The following PLPPR1 variants were observed in gnomAD, a reference collection of about 807,000 sequenced individuals.
PLPPR1 encodes the protein phospholipid phosphatase-related protein type 1.
In PLPPR1, 10 loss-of-function variants were observed where a neutral mutation model predicts 33.1. That is an observed-to-expected ratio of 0.30 (90% CI 0.19 to 0.51). The LOEUF (loss-of-function observed/expected upper bound fraction) is 0.51. Among genes scored for constraint, PLPPR1 ranks in the 20% least tolerant of loss-of-function variants. PLPPR1 has a pLI of 0.97. For synonymous variants in PLPPR1, 151 were observed against 151.0 expected, an observed-to-expected ratio of 1.00 and a Z score of 0.00; for missense variants, 304 against 408.1, an observed-to-expected ratio of 0.74 and a Z score of 2.20.
chr9:101,271,907 AAAGGG>A (rs1373769052), intron 3 of PLPPR1, among the ~76,000 whole-genome samples: 1 of 152,206 alleles, frequency 6.6e-6, no homozygotes, highest in African/African-American at 2.4e-5. Context: ...AAAATATAAA[AAAGGG>A]AAGGAAATGG....
At chr9:101,294,589 A>T (rs991207933) in intron 4 of PLPPR1, among the ~76,000 whole-genome samples, 1 of 152,018 alleles carries the variant, frequency 6.6e-6, no homozygotes, top group African/African-American at 2.4e-5. Context: ...CAGCACATCA[A>T]AAAGCTTATC....
At chr9:101,213,267 G>T (rs1826721269) in intron 2 of PLPPR1, among the ~76,000 whole-genome samples, 1 of 151,980 alleles carries the variant, frequency 6.6e-6, no homozygotes, top group Non-Finnish European at 1.5e-5. Context: ...TTAAACATTT[G>T]ATCCATGTTA....
intron 3 of PLPPR1, among the ~76,000 whole-genome samples, chr9:101,272,438 C>T (rs1330464997): frequency 1.3e-5 from 2 of 152,130 alleles, no homozygotes; most frequent in African/African-American, 4.8e-5. Context: ...CCCACAAAAG[C>T]ACTCTGAATA....
intron 2 of PLPPR1, among the ~76,000 whole-genome samples, chr9:101,211,530 T>C (rs1265248390): frequency 2.0e-5 from 3 of 152,190 alleles, no homozygotes; most frequent in Non-Finnish European, 2.9e-5. Context: ...TTCCTGGTGG[T>C]CTTTGGCCAG....
chr9:101,095,548 T>A (rs1830806395), intron 1 of PLPPR1, among the ~76,000 whole-genome samples: 1 of 152,202 alleles, frequency 6.6e-6, no homozygotes, highest in East Asian at 1.9e-4. Flanking sequence ...AATCCTTTTT[T>A]AAAAGCTAAA....
chr9:101,054,379 C>G (rs1361239117), intron 1 of PLPPR1, among the ~76,000 whole-genome samples: 1 of 150,192 alleles, frequency 6.7e-6, no homozygotes. Context: ...ATTTTTCAAG[C>G]CCCTCTCATG....
At position 101,270,102 on chromosome 9, in the gene PLPPR1, C is replaced by CA. The variant is rs754285109; in HGVS notation, c.252+35dup. On this transcript the variant is annotated intron_variant, in intron 3 of 7. Transcript: ENST00000374874. ...AGAAATAGACTTTCCTCTTTATTGTCAGATACCCAAGAATATTTTCTGTCT... is the reference window on the plus strand; with the variant it reads ...AGAAATAGACTTTCCTCTTTATTGTCAAGATACCCAAGAATATTTTCTGTCT... The CA allele has an allele frequency of 1.1e-5, 17 of 1,598,820 alleles. No individual in the cohort carries two copies. In the Admixed American group the frequency reaches 2.8e-4, roughly 27 times the overall value.
intron 2 of PLPPR1, among the ~76,000 whole-genome samples, chr9:101,240,197 GT>G (rs1433329077): frequency 6.6e-6 from 1 of 151,852 alleles, no homozygotes; most frequent in Non-Finnish European, 1.5e-5. Context: ...TGAAAAATCA[GT>G]TTACTCCGAA....
At chr9:101,254,931 C>G (rs1053924201) in intron 2 of PLPPR1, among the ~76,000 whole-genome samples, 19 of 152,074 alleles carry the variant, frequency 1.2e-4, no homozygotes. Flanking sequence ...TGCACACTCC[C>G]CTTCTCCAGG....
chr9:101,258,465 A>G (rs77318683), intron 2 of PLPPR1, among the ~76,000 whole-genome samples: 2,843 of 152,234 alleles, frequency 0.019, 35 homozygotes, highest in Middle Eastern at 0.085. Flanking sequence ...GCTGACTTCT[A>G]TTGTTTTACC....
chr9:101,172,143 A>G (rs1175506478), intron 1 of PLPPR1, among the ~76,000 whole-genome samples: 1 of 152,098 alleles, frequency 6.6e-6, no homozygotes, highest in Non-Finnish European at 1.5e-5. Context: ...ACCATGTTAA[A>G]TGTTGTGGAA....
chr9:101,295,160 G>C (rs1306422236), intron 4 of PLPPR1, among the ~76,000 whole-genome samples: 6 of 151,534 alleles, frequency 4.0e-5, no homozygotes, highest in Non-Finnish European at 8.8e-5. Context: ...ACCAATAACA[G>C]ACAAACAGAG....
At chr9:101,263,008 G>A (rs1209064161) in intron 2 of PLPPR1, among the ~76,000 whole-genome samples, 1 of 152,148 alleles carries the variant, frequency 6.6e-6, no homozygotes, top group Non-Finnish European at 1.5e-5. Flanking sequence ...CTGTCAGTGG[G>A]TAGGGGCCTG....
At chr9:101,165,884 CT>C (rs1325959045) in intron 1 of PLPPR1, among the ~76,000 whole-genome samples, 3 of 152,298 alleles carry the variant, frequency 2.0e-5, no homozygotes, top group African/African-American at 7.2e-5. Context: ...TGAATTCACT[CT>C]CCTGCCTGTC....
chr9:101,207,336 A>T (rs1405281892), intron 2 of PLPPR1, among the ~76,000 whole-genome samples: 3 of 152,200 alleles, frequency 2.0e-5, no homozygotes, highest in African/African-American at 4.8e-5. Context: ...CAGTATTATT[A>T]TTGCCCTCTA....
At chr9:101,129,261 C>T (rs1168476092) in intron 1 of PLPPR1, among the ~76,000 whole-genome samples, 3 of 152,014 alleles carry the variant, frequency 2.0e-5, no homozygotes, top group Admixed American at 2.0e-4. Context: ...TCATTCACCA[C>T]TGGTGATAAT....
intron 1 of PLPPR1, among the ~76,000 whole-genome samples, chr9:101,043,448 C>CATAT (rs1296710489): frequency 6.6e-6 from 1 of 150,630 alleles, no homozygotes; most frequent in Non-Finnish European, 1.5e-5. Context: ...TATATGCATA[C>CATAT]ACATATATAC....
chr9:101,237,009 G>A (rs926543444), intron 2 of PLPPR1, among the ~76,000 whole-genome samples: 16 of 151,622 alleles, frequency 1.1e-4, no homozygotes, highest in African/African-American at 3.9e-4. Context: ...GTGGGTAAAG[G>A]ACAGGAACAG....
At chr9:101,258,496 C>T (rs777819121) in intron 2 of PLPPR1, among the ~76,000 whole-genome samples, 2 of 152,102 alleles carry the variant, frequency 1.3e-5, no homozygotes, top group African/African-American at 2.4e-5. Flanking sequence ...CAAGTTAGCA[C>T]CAAAATCAGT....
Sources: allele counts gnomAD v4.1 joint callset (sites outside exome capture counted in the v4.1 genomes callset), GRCh38; gene constraint gnomAD v4.1.1; transcripts MANE v1.5; gene names NCBI Gene and HGNC (gene_info 2026-07-23, HGNC 2026-07-21).